CYP11A1: variants seen among roughly 807,000 people sequenced by gnomAD.
The protein encoded by CYP11A1 is cytochrome P450 family 11 subfamily A member 1, also known as cholesterol side-chain cleavage enzyme, mitochondrial.
CYP11A1 carries 25 observed loss-of-function variants against 51.9 expected under a neutral mutation model. The ratio of observed to expected loss-of-function variants is 0.48; its 90% CI spans 0.35 to 0.67. The LOEUF is 0.67. CYP11A1 is among the 30% of genes least tolerant of loss of function. The probability of loss-of-function intolerance (pLI) is 0.00; values close to 1 mark genes in which losing one functional copy is unlikely to be tolerated. For missense variants in CYP11A1, 578 were observed against 680.9 expected (o/e 0.85, Z 1.68); for synonymous variants, 245 against 262.1 (o/e 0.93, Z 0.63).
intron 5 of CYP11A1, among the ~76,000 whole-genome samples, chr15:74,340,743 C>A (rs981161359): frequency 6.6e-6 from 1 of 152,146 alleles, no homozygotes; most frequent in Non-Finnish European, 1.5e-5. Flanking sequence ...AGCTTAAAAT[C>A]CTTGCCTGGC....
chr15:74,343,669 G>T, intron 4 of CYP11A1, 120 bp downstream of exon 4: 2 of 905,300 alleles, frequency 2.2e-6, no homozygotes, highest in Non-Finnish European at 1.8e-6. Context: ...ACCCACGCCT[G>T]CCCGCCACAG....
intron 1 of CYP11A1, chr15:74,363,587 G>A (rs2060718476): frequency 1.3e-5 from 2 of 152,136 alleles, no homozygotes; most frequent in Admixed American, 1.3e-4. Context: ...CAAATTCTTG[G>A]TATTATCCTC....
At chr15:74,347,865 TC>T (rs1378272075) in intron 2 of CYP11A1, 34 bp downstream of exon 2, 2 of 1,611,148 alleles carry the variant, frequency 1.2e-6, no homozygotes, top group Admixed American at 3.3e-5. Flanking sequence ...CCCCACCACC[TC>T]CCTCCAGTCC....
At chr15:74,354,819 C>G (rs1441963572) in intron 1 of CYP11A1, 1 of 152,266 alleles carries the variant, frequency 6.6e-6, no homozygotes, top group African/African-American at 2.4e-5. Context: ...CTGGCAGAGA[C>G]AGAGGAGACG....
At chr15:74,361,563 C>A in intron 1 of CYP11A1, 2 of 819,884 alleles carry the variant, frequency 2.4e-6, no homozygotes, top group Non-Finnish European at 4.1e-6. Context: ...TGGTCAACCC[C>A]ACCGTGTTCT....
chr15:74,338,820 G>A lies in CYP11A1; in HGVS notation c.1237-52C>T, dbSNP rs771393499. ...GTAAGCCCCACTTCCCCACAGCCCT[G>A]AGCACAAAACCCCCTTCCCTAGTCC... On this transcript the variant is annotated intron_variant, in intron 7 of 8. Coordinates refer to ENST00000268053, the MANE Select transcript of CYP11A1 (RefSeq NM_000781.3). The A allele has an allele frequency of 4.5e-6, 7 of 1,554,304 alleles. No individual in the cohort carries two copies. The Admixed American group carries it at 1.2e-4, about 27-fold the overall frequency.
chr15:74,348,765 C>G (rs900322223), intron 1 of CYP11A1, among the ~76,000 whole-genome samples: 1 of 152,152 alleles, frequency 6.6e-6, no homozygotes, highest in Non-Finnish European at 1.5e-5. Context: ...GAGACAGGGT[C>G]TCTGTTACCC....
chr15:74,337,789 G>T lies in CYP11A1; in HGVS notation c.*183C>A. ...TGGTTCAGCTGTTTATTGTCTCCAT[G>T]GGGTGGGTGAAGAGGAGTGGCCCAG... On this transcript the variant is annotated 3_prime_UTR_variant, in exon 9 of 9. Coordinates refer to ENST00000268053, the MANE Select transcript of CYP11A1 (RefSeq NM_000781.3). The T allele has an allele frequency of 1.4e-6, 1 of 717,426 alleles. No individual in the cohort carries two copies. The highest frequency in any genetic ancestry group is 2.7e-5 in the East Asian group (1 of 36,744). 44.4% of individuals were successfully genotyped at this position (717,426 alleles called of 1,614,324 possible). A position where few individuals can be genotyped will look rare whatever the true frequency, so the allele number is the denominator to read the frequency against.
At chr15:74,352,007 T>C (rs2060658576) in intron 1 of CYP11A1, among the ~76,000 whole-genome samples, 1 of 152,216 alleles carries the variant, frequency 6.6e-6, no homozygotes. Context: ...AATCTTCGTT[T>C]ATGTGTGTGT....
chr15:74,344,496 T>C (rs1270682296), intron 3 of CYP11A1, among the ~76,000 whole-genome samples: 9 of 152,254 alleles, frequency 5.9e-5, no homozygotes, highest in Admixed American at 5.9e-4. Context: ...ACTGATTTCA[T>C]ACAAAGCTCT....
chr15:74,367,199 A>T, intron 1 of CYP11A1, 118 bp downstream of exon 1: 1 of 986,172 alleles, frequency 1.0e-6, no homozygotes. Flanking sequence ...AAAAAAAAGA[A>T]GTTAGACAGG....
intron 3 of CYP11A1, 46 bp from the exon 4 acceptor site, chr15:74,344,038 T>C: frequency 2.6e-6 from 4 of 1,558,544 alleles, no homozygotes; most frequent in Non-Finnish European, 3.5e-6. Flanking sequence ...GACGGGGCCA[T>C]CTGAGAGCCA....
intron 1 of CYP11A1, among the ~76,000 whole-genome samples, chr15:74,353,412 T>A (rs1325201831): frequency 6.6e-6 from 1 of 152,244 alleles, no homozygotes; most frequent in Non-Finnish European, 1.5e-5. Context: ...CTCTTTTTTT[T>A]AATATAGTTA....
At chr15:74,360,878 G>A (rs1251213374) in intron 1 of CYP11A1, among the ~76,000 whole-genome samples, 2 of 152,132 alleles carry the variant, frequency 1.3e-5, no homozygotes, top group Non-Finnish European at 2.9e-5. Flanking sequence ...ACTCCAGCCT[G>A]GGCAACAAGA....
intron 1 of CYP11A1, among the ~76,000 whole-genome samples, chr15:74,354,960 C>T (rs747507781): frequency 4.6e-5 from 7 of 152,126 alleles, no homozygotes; most frequent in South Asian, 2.1e-4. Flanking sequence ...TTGATCACCA[C>T]GGGGACACCT....
chr15:74,359,481 G>T (rs529042153), intron 1 of CYP11A1: 4 of 152,352 alleles, frequency 2.6e-5, no homozygotes, highest in Non-Finnish European at 5.9e-5. Flanking sequence ...GATCACAAAA[G>T]AAGTGAAAAC....
chr15:74,339,564 G>A lies in CYP11A1; in HGVS notation c.1157+23C>T, dbSNP rs143006315. The stretch of plus-strand genomic sequence containing the variant: ...CTGCCCAGGGATTGGAGTTGGGGGC[G>A]GCATGGGTGGTTGTGGGCTTGCCTT... On this transcript the variant is annotated intron_variant, in intron 6 of 8. Transcript: ENST00000268053. 1.5e-4 allele frequency: 237 copies of A among 1,609,590 alleles called. No homozygotes were observed. In the African/African-American group the frequency reaches 2.7e-3, roughly 18 times the overall value.
rs2060685606 is a variant in CYP11A1, at chr15:74,357,463, A to T, written c.270-9408T>A. 3.3e-5 allele frequency among the ~76,000 whole-genome samples: 5 copies of T among 152,326 alleles called. No individual in the cohort carries two copies. In the South Asian group the frequency reaches 1.0e-3, roughly 32 times the overall value. On this transcript the variant is annotated intron_variant, in intron 1 of 8. Coordinates refer to ENST00000268053, the MANE Select transcript of CYP11A1 (RefSeq NM_000781.3). ...CAAAGCAACAATGCCTTTCCTTCCT[A>T]GGCATGGTTAGATACTCCACCTTTG...
At chr15:74,366,428 C>T (rs185051252) in intron 1 of CYP11A1, among the ~76,000 whole-genome samples, 89 of 150,588 alleles carry the variant, frequency 5.9e-4, no homozygotes, top group Admixed American at 1.3e-3. Context: ...GGATTATAGA[C>T]CCCCGCCACC....
Sources: gnomAD v4.1 joint callset for allele counts (sites outside exome capture counted in the v4.1 genomes callset) on GRCh38, gnomAD v4.1.1 for gene constraint, MANE v1.5 for transcripts, NCBI Gene and HGNC (gene_info 2026-07-23, HGNC 2026-07-21) for gene names.